The following DTNB variants were observed in gnomAD, a reference collection of about 807,000 sequenced individuals.
DTNB encodes dystrobrevin beta.
Under a neutral mutation model 90.7 loss-of-function variants are expected in DTNB, and 63 were observed. The ratio of observed to expected loss-of-function variants is 0.69; its 90% CI spans 0.57 to 0.86. DTNB has a LOEUF of 0.86. Among genes scored for constraint, DTNB ranks in the 40% least tolerant of loss-of-function variants. DTNB has a pLI of 0.00. For missense variants in DTNB, 744 were observed against 807.1 expected, an observed-to-expected ratio of 0.92 and a Z score of 0.95; for synonymous variants, 277 against 286.7, an observed-to-expected ratio of 0.97 and a Z score of 0.34.
chr2:25,626,781 T>C (rs1454120501), intron 4 of DTNB, among the ~76,000 whole-genome samples: 3 of 152,214 alleles, frequency 2.0e-5, no homozygotes, highest in African/African-American at 7.2e-5. Context: ...AATAGCATTT[T>C]ACAAATGTAT....
intron 8 of DTNB, among the ~76,000 whole-genome samples, chr2:25,572,398 C>A (rs1466971641): frequency 4.0e-5 from 6 of 150,684 alleles, no homozygotes; most frequent in Non-Finnish European, 7.4e-5. Context: ...ACCCAGGAGG[C>A]GGAGCTTGCA....
intron 19 of DTNB, among the ~76,000 whole-genome samples, chr2:25,380,568 C>T (rs890646308): frequency 3.3e-5 from 5 of 152,226 alleles, no homozygotes; most frequent in African/African-American, 9.6e-5. Context: ...TTCACATAGA[C>T]ATACAGACAT....
rs1335049378 is a variant in DTNB, at chr2:25,460,825, AAAG to A, written c.1080-5334_1080-5332del. Among the ~76,000 whole-genome samples, 3 of 152,142 alleles carry A rather than the reference AAAG, an allele frequency of 2.0e-5. No homozygotes were observed. The East Asian group carries it at 5.8e-4, about 29-fold the overall frequency. ...AGTTTCTTTCTACAGATAACCCTTTAAAGAAGTTTTTCTGAAATGGGAAGGAGA... is the reference window on the plus strand; with the variant it reads ...AGTTTCTTTCTACAGATAACCCTTTAAAGTTTTTCTGAAATGGGAAGGAGA... On this transcript the variant is annotated intron_variant, in intron 10 of 20. Transcript: ENST00000406818.
intron 8 of DTNB, among the ~76,000 whole-genome samples, chr2:25,537,740 C>T (rs1387241427): frequency 6.6e-6 from 1 of 152,138 alleles, no homozygotes; most frequent in Non-Finnish European, 1.5e-5. Flanking sequence ...ATGACAGGGG[C>T]ATTAGCTCTT....
At chr2:25,422,167 T>C (rs929568544) in intron 15 of DTNB, among the ~76,000 whole-genome samples, 4 of 152,046 alleles carry the variant, frequency 2.6e-5, no homozygotes, top group African/African-American at 9.7e-5. Context: ...TAAAAGGGGG[T>C]AATACCTTAA....
At chr2:25,406,645 T>C (rs2045273031) in intron 16 of DTNB, among the ~76,000 whole-genome samples, 1 of 151,886 alleles carries the variant, frequency 6.6e-6, no homozygotes, top group African/African-American at 2.4e-5. Flanking sequence ...ATACAACAAC[T>C]ACTTGCAAAA....
intron 8 of DTNB, chr2:25,558,354 C>T: frequency 1.2e-5 from 12 of 985,386 alleles, no homozygotes; most frequent in Non-Finnish European, 1.4e-5. Flanking sequence ...ACACAGTGAT[C>T]TTCCCACACA....
At position 25,673,515 on chromosome 2, in the gene DTNB, C is replaced by A. The variant is rs1256236227; in HGVS notation, c.-131G>T. 6.7e-6 allele frequency: 1 copy of A among 150,274 alleles called. No individual in the cohort carries two copies. Among genetic ancestry groups the A allele is most frequent in the Non-Finnish European group, 1.5e-5 (1 of 67,340 alleles). The allele number at this position is 150,274 out of a possible 1,614,324, so 9.3% of individuals were successfully genotyped here. A position where few individuals can be genotyped will look rare whatever the true frequency, so the allele number is the denominator to read the frequency against. ...CCTACTCAGGCCCCGGAGCCACCCC[C>A]GCGGCGAACGTTCGCAGCGCCCGGC... On this transcript the variant is annotated 5_prime_UTR_variant, in exon 1 of 21. Transcript: ENST00000406818.
At chr2:25,474,842 T>C (rs1296342615) in intron 10 of DTNB, among the ~76,000 whole-genome samples, 1 of 152,204 alleles carries the variant, frequency 6.6e-6, no homozygotes, top group Non-Finnish European at 1.5e-5. Flanking sequence ...TCTCCATTAT[T>C]ATCATCATAT....
Position 25,596,198 on chromosome 2 carries a change from A to G in DTNB, c.491T>C (p.Phe164Ser). ...QMSDSNGLMI[F>S]SKFDQFLKEV... is the part of the protein sequence containing the mutation. ...CTTCAGAAACTGGTCAAACTTGCTA[A>G]ATATCATTAAGCCATTGGAATCTGA... The change falls in exon 6 of 21, where the codon TTT becomes TCT. Residue 164 changes from phenylalanine (F) to serine (S), a missense_variant. Coordinates refer to ENST00000406818, the MANE Select transcript of DTNB (RefSeq NM_021907.5). The G allele has an allele frequency of 6.2e-7, 1 of 1,613,204 alleles. No homozygotes were observed. The highest frequency in any genetic ancestry group is 8.5e-7 in the Non-Finnish European group (1 of 1,179,538).
chr2:25,461,597 C>T (rs1004713852), intron 10 of DTNB, among the ~76,000 whole-genome samples: 4 of 152,020 alleles, frequency 2.6e-5, no homozygotes, highest in Admixed American at 6.5e-5. Context: ...ATCCATAAAA[C>T]GAGGTGATGC....
intron 9 of DTNB, among the ~76,000 whole-genome samples, chr2:25,529,749 G>A (rs2077800731): frequency 6.6e-6 from 1 of 152,200 alleles, no homozygotes; most frequent in Non-Finnish European, 1.5e-5. Flanking sequence ...AGGATCCACA[G>A]AATTGCAGCA....
chr2:25,393,409 G>C (rs2041671622), intron 16 of DTNB, among the ~76,000 whole-genome samples: 1 of 152,060 alleles, frequency 6.6e-6, no homozygotes, highest in African/African-American at 2.4e-5. Context: ...AAGAAAGAAA[G>C]GGCATCCAAA....
Position 25,455,499 on chromosome 2 carries a change from G to T in DTNB, c.1080-5C>A. The T allele has an allele frequency of 6.2e-7, 1 of 1,601,696 alleles. No homozygotes were observed. ...ATATCCTGGCTATACTGTAACCTAGGAACAATGGAGGCAAAGACAGCAAGC... is the reference window on the plus strand; with the variant it reads ...ATATCCTGGCTATACTGTAACCTAGTAACAATGGAGGCAAAGACAGCAAGC... On this transcript the variant is annotated splice_polypyrimidine_tract_variant and splice_region_variant and intron_variant, in intron 10 of 20. Coordinates refer to ENST00000406818, the MANE Select transcript of DTNB (RefSeq NM_021907.5).
chr2:25,555,089 G>A (rs1261667081), intron 8 of DTNB, among the ~76,000 whole-genome samples: 1 of 152,026 alleles, frequency 6.6e-6, no homozygotes, highest in Non-Finnish European at 1.5e-5. Flanking sequence ...GAAGTCAGGA[G>A]ATCGAGACCA....
chr2:25,382,730 T>A (rs1371010817), intron 19 of DTNB, among the ~76,000 whole-genome samples: 16 of 152,030 alleles, frequency 1.1e-4, no homozygotes, highest in Admixed American at 9.8e-4. Context: ...GGTTTCACCA[T>A]GTTGGCCAGG....
intron 11 of DTNB, among the ~76,000 whole-genome samples, chr2:25,454,480 A>G (rs1309439679): frequency 1.3e-5 from 2 of 152,156 alleles, no homozygotes; most frequent in African/African-American, 4.8e-5. Flanking sequence ...AAGAATCTCA[A>G]AGCATGGCTT....
At chr2:25,470,200 A>G (rs1409534968) in intron 10 of DTNB, among the ~76,000 whole-genome samples, 1 of 152,148 alleles carries the variant, frequency 6.6e-6, no homozygotes, top group African/African-American at 2.4e-5. Flanking sequence ...GATGGGAGAA[A>G]TCTGTAGGAA....
intron 4 of DTNB, among the ~76,000 whole-genome samples, chr2:25,616,305 T>C (rs1432372069): frequency 6.6e-6 from 1 of 151,422 alleles, no homozygotes; most frequent in Non-Finnish European, 1.5e-5. Context: ...TACTATGATA[T>C]CTTTACTTCT....
Sources: gnomAD v4.1 joint callset for allele counts (sites outside exome capture counted in the v4.1 genomes callset) on GRCh38, gnomAD v4.1.1 for gene constraint, MANE v1.5 for transcripts, NCBI Gene and HGNC (gene_info 2026-07-23, HGNC 2026-07-21) for gene names.